The following RASAL2 variants were observed in gnomAD, a reference collection of about 807,000 sequenced individuals.
The protein encoded by RASAL2 is RAS protein activator like 2.
Under a neutral mutation model 128.9 loss-of-function variants are expected in RASAL2, and 58 were observed. That is an observed-to-expected ratio of 0.45 (90% CI 0.36 to 0.56). The LOEUF (loss-of-function observed/expected upper bound fraction) is 0.56, where lower values mean the gene tolerates loss of function less well. Among genes scored for constraint, RASAL2 ranks in the 20% least tolerant of loss-of-function variants. The pLI is 0.00. For missense variants in RASAL2, 1,360 were observed against 1,601.6 expected (o/e 0.85, Z 2.57); for synonymous variants, 561 against 580.8 (o/e 0.97, Z 0.49).
chr1:178,225,773 A>G (rs1663764868), intron 1 of RASAL2, among the ~76,000 whole-genome samples: 3 of 152,032 alleles, frequency 2.0e-5, no homozygotes, highest in African/African-American at 4.8e-5. Flanking sequence ...ACATATATAT[A>G]TATATATATC....
At chr1:178,102,355 C>G (rs1428427550) in intron 1 of RASAL2, among the ~76,000 whole-genome samples, 3 of 151,882 alleles carry the variant, frequency 2.0e-5, no homozygotes, top group African/African-American at 7.3e-5. Context: ...GGGTCTCATT[C>G]TGTTGCCAAG....
chr1:178,201,813 G>T (rs1371382588), intron 1 of RASAL2, among the ~76,000 whole-genome samples: 1 of 152,170 alleles, frequency 6.6e-6, no homozygotes, highest in African/African-American at 2.4e-5. Flanking sequence ...AAACGTTCAG[G>T]TCAAGTGGAC....
intron 1 of RASAL2, among the ~76,000 whole-genome samples, chr1:178,218,858 G>A (rs1663519623): frequency 6.6e-6 from 1 of 152,218 alleles, no homozygotes; most frequent in Admixed American, 6.5e-5. Context: ...AGCTGTATTA[G>A]CCCCTAACAA....
At chr1:178,288,640 C>T (rs546922724) in intron 2 of RASAL2, among the ~76,000 whole-genome samples, 1 of 138,134 alleles carries the variant, frequency 7.2e-6, no homozygotes, top group South Asian at 2.3e-4. Context: ...TTCTTTCTCT[C>T]TCTTTTTTTT....
intron 1 of RASAL2, among the ~76,000 whole-genome samples, chr1:178,191,550 T>C (rs115676985): frequency 2.1e-3 from 326 of 152,290 alleles, no homozygotes; most frequent in African/African-American, 7.5e-3. Flanking sequence ...CAGTAGAAAT[T>C]ATATGAAATA....
At chr1:178,200,765 C>G (rs1662836543) in intron 1 of RASAL2, among the ~76,000 whole-genome samples, 1 of 152,150 alleles carries the variant, frequency 6.6e-6, no homozygotes, top group Non-Finnish European at 1.5e-5. Context: ...TGAGAGGACC[C>G]TGACGAAGCT....
At chr1:178,388,545 C>T (rs1346014496) in intron 3 of RASAL2, among the ~76,000 whole-genome samples, 1 of 152,190 alleles carries the variant, frequency 6.6e-6, no homozygotes, top group Non-Finnish European at 1.5e-5. Flanking sequence ...TGCAAGCATA[C>T]AAGATGCTAT....
chr1:178,292,627 C>G (rs1274491773), intron 2 of RASAL2, among the ~76,000 whole-genome samples: 1 of 152,168 alleles, frequency 6.6e-6, no homozygotes, highest in Non-Finnish European at 1.5e-5. Context: ...TGGCTTGATA[C>G]CAGCCCAGTT....
intron 4 of RASAL2, among the ~76,000 whole-genome samples, chr1:178,412,976 T>G (rs1674502147): frequency 6.6e-6 from 1 of 151,986 alleles, no homozygotes; most frequent in East Asian, 1.9e-4. Context: ...CTTTCTTTCT[T>G]TCTTTCTTTT....
At chr1:178,208,506 A>G (rs1442455001) in intron 1 of RASAL2, among the ~76,000 whole-genome samples, 1 of 152,180 alleles carries the variant, frequency 6.6e-6, no homozygotes, top group Admixed American at 6.5e-5. Flanking sequence ...ATTTGTGATC[A>G]GACCAGTTCT....
chr1:178,200,637 T>A (rs1199227058), intron 1 of RASAL2, among the ~76,000 whole-genome samples: 1 of 152,098 alleles, frequency 6.6e-6, no homozygotes, highest in Non-Finnish European at 1.5e-5. Flanking sequence ...CAGAAGCTCT[T>A]ATGTGAGTGA....
At chr1:178,465,304 G>C in intron 15 of RASAL2, among the ~76,000 whole-genome samples, 1 of 152,066 alleles carries the variant, frequency 6.6e-6, no homozygotes, top group East Asian at 1.9e-4. Context: ...TTTTATAGTT[G>C]GGGAAAAAGC....
chr1:178,150,097 T>G (rs143153203), intron 1 of RASAL2, among the ~76,000 whole-genome samples: 1 of 152,368 alleles, frequency 6.6e-6, no homozygotes, highest in Non-Finnish European at 1.5e-5. Context: ...ATGAAACTTT[T>G]CATCTTTTAA....
chr1:178,099,698 C>T (rs556414525), intron 1 of RASAL2, among the ~76,000 whole-genome samples: 67 of 152,054 alleles, frequency 4.4e-4, no homozygotes, highest in Admixed American at 8.5e-4. Context: ...TGGTGGCTCA[C>T]GCCTGTAATC....
chr1:178,382,445 C>G (rs770484366), intron 3 of RASAL2, among the ~76,000 whole-genome samples: 1 of 152,090 alleles, frequency 6.6e-6, no homozygotes, highest in African/African-American at 2.4e-5. Flanking sequence ...AAACTAGAGT[C>G]TCTGTGATCA....
intron 1 of RASAL2, among the ~76,000 whole-genome samples, chr1:178,268,462 A>C (rs564201219): frequency 6.6e-6 from 1 of 152,044 alleles, no homozygotes; most frequent in Non-Finnish European, 1.5e-5. Flanking sequence ...GCGAGCCTCC[A>C]TCTCAAAAAA....
At chr1:178,199,687 T>G (rs1424231401) in intron 1 of RASAL2, among the ~76,000 whole-genome samples, 1 of 152,062 alleles carries the variant, frequency 6.6e-6, no homozygotes, top group Non-Finnish European at 1.5e-5. Flanking sequence ...TCTTCTGTGT[T>G]TTTTTTTGGA....
chr1:178,328,892 G>T (rs1425967280), intron 3 of RASAL2, among the ~76,000 whole-genome samples: 1 of 152,184 alleles, frequency 6.6e-6, no homozygotes, highest in Admixed American at 6.5e-5. Flanking sequence ...CTAACAGGCA[G>T]CTGTGAGACC....
intron 5 of RASAL2, among the ~76,000 whole-genome samples, chr1:178,436,810 T>G (rs1199632886): frequency 6.6e-6 from 1 of 152,126 alleles, no homozygotes; most frequent in African/African-American, 2.4e-5. Flanking sequence ...ATTGCTAAAC[T>G]CAAGTGGTTT....
Sources: allele counts gnomAD v4.1 joint callset (sites outside exome capture counted in the v4.1 genomes callset), GRCh38; gene constraint gnomAD v4.1.1; transcripts MANE v1.5; gene names NCBI Gene and HGNC (gene_info 2026-07-23, HGNC 2026-07-21).